The following GLIS3 variants were observed in gnomAD, a reference collection of about 807,000 sequenced individuals.
GLIS3 encodes zinc finger protein GLIS3.
GLIS3 carries 53 observed loss-of-function variants against 78.6 expected under a neutral mutation model. The ratio of observed to expected loss-of-function variants is 0.67; its 90% CI spans 0.54 to 0.85. The LOEUF is 0.85. Ranked by LOEUF, GLIS3 falls within the 40% of genes least tolerant of loss-of-function variation. The pLI, the probability that GLIS3 is intolerant of heterozygous loss-of-function variation, is 0.00. For synonymous variants in GLIS3, 684 were observed against 509.9 expected (o/e 1.34, Z -4.60); for missense variants, 1,703 against 1,231.1 (o/e 1.38, Z -5.74).
chr9:4,323,827 G>A (rs1159201015), intron 2 of GLIS3, among the ~76,000 whole-genome samples: 1 of 152,192 alleles, frequency 6.6e-6, no homozygotes, highest in Non-Finnish European at 1.5e-5. Context: ...CGCAGCAGAA[G>A]TTGCTGTTTG....
chr9:3,916,882 G>C (rs1035917924), intron 6 of GLIS3, among the ~76,000 whole-genome samples: 3 of 151,984 alleles, frequency 2.0e-5, no homozygotes, highest in African/African-American at 7.3e-5. Flanking sequence ...CTTTTTCTTT[G>C]TCCTTTTATT....
intron 4 of GLIS3, among the ~76,000 whole-genome samples, chr9:4,022,921 A>T (rs1424851718): frequency 6.6e-6 from 1 of 152,186 alleles, no homozygotes; most frequent in Non-Finnish European, 1.5e-5. Flanking sequence ...GGCTGAAAGA[A>T]GACTGGATAA....
intron 4 of GLIS3, among the ~76,000 whole-genome samples, chr9:4,013,317 C>T (rs946933410): frequency 1.3e-5 from 2 of 152,154 alleles, no homozygotes; most frequent in African/African-American, 4.8e-5. Flanking sequence ...CCATAGCAAA[C>T]TCTCTGTCTT....
the GLIS3 span, among the ~76,000 whole-genome samples, chr9:4,427,742 C>A: frequency 4.0e-5 from 6 of 151,602 alleles, no homozygotes; most frequent in Non-Finnish European, 8.8e-5. Flanking sequence ...ACCTGCAATC[C>A]CAGCTACTCA....
rs977500969 is a variant in GLIS3 at position 3,932,370 on chromosome 9, G to C, written c.1973C>G (p.Ala658Gly). 4 of 1,611,638 alleles carry C rather than the reference G, an allele frequency of 2.5e-6. No homozygotes were observed. The highest frequency in any genetic ancestry group is 3.3e-5 in the Admixed American group (2 of 59,976). ...CTCTTTTAAAATTACCTTTTTCCTTGCTTGTTGCTCTTTGGAAGAATGTGC... is the reference window on the plus strand; with the variant it reads ...CTCTTTTAAAATTACCTTTTTCCTTCCTTGTTGCTCTTTGGAAGAATGTGC... The part of the protein sequence containing the change: ...VKAHSSKEQQ[A>G]RKKLRSSTEL... Residue 658 changes from alanine to glycine, a missense_variant, in exon 6 of 11, where the codon GCA (alanine) becomes GGA (glycine). By Grantham distance (60) the Ala-to-Gly change is moderately conservative. Transcript: ENST00000381971.
the GLIS3 span, among the ~76,000 whole-genome samples, chr9:4,453,961 C>G: frequency 6.6e-6 from 1 of 151,518 alleles, no homozygotes; most frequent in Non-Finnish European, 1.5e-5. Flanking sequence ...CAAACCTGCA[C>G]GTTGTGCACA....
intron 3 of GLIS3, among the ~76,000 whole-genome samples, chr9:4,309,754 T>G (rs1204780114): frequency 6.6e-6 from 1 of 152,214 alleles, no homozygotes; most frequent in Non-Finnish European, 1.5e-5. Context: ...TGGCCTATTT[T>G]TTTTTTCTTC....
At chr9:3,962,381 A>C (rs1349959548) in intron 4 of GLIS3, among the ~76,000 whole-genome samples, 1 of 152,152 alleles carries the variant, frequency 6.6e-6, no homozygotes, top group Non-Finnish European at 1.5e-5. Context: ...ACTTTCTTTA[A>C]ATAATAAAGA....
intron 9 of GLIS3, among the ~76,000 whole-genome samples, chr9:3,844,230 G>A (rs1331434451): frequency 1.3e-5 from 2 of 152,172 alleles, no homozygotes; most frequent in Admixed American, 1.3e-4. Context: ...GTTCACTGAT[G>A]TATTTTAAGG....
rs1400747932 is a variant in GLIS3 at position 3,862,523 on chromosome 9, T to G, written c.2298-6339A>C. ...AGTATTTCTTTGTCAATGTACACAT[T>G]TATTTCTTTAACAAAATTTACTAAT... On this transcript the variant is annotated intron_variant, in intron 8 of 10. Transcript: ENST00000381971. Among the ~76,000 whole-genome samples the G allele has an allele frequency of 3.3e-5, 5 of 152,322 alleles. No individual in the cohort carries two copies. The East Asian group carries it at 9.7e-4, about 29-fold the overall frequency.
At chr9:3,907,759 C>G (rs921524685) in intron 6 of GLIS3, among the ~76,000 whole-genome samples, 1 of 152,114 alleles carries the variant, frequency 6.6e-6, no homozygotes, top group African/African-American at 2.4e-5. Flanking sequence ...TGAATTGGCA[C>G]CCATGCCTTG....
At chr9:3,899,426 T>TA (rs34620814) in intron 6 of GLIS3, among the ~76,000 whole-genome samples, 113,921 of 149,682 alleles carry the variant, frequency 0.76, 43,346 homozygotes, top group East Asian at 0.82. Context: ...GAGTTACATG[T>TA]AAAAAAAAAA....
At chr9:3,889,299 C>G (rs1158679078) in intron 7 of GLIS3, among the ~76,000 whole-genome samples, 2 of 152,118 alleles carry the variant, frequency 1.3e-5, no homozygotes, top group Non-Finnish European at 2.9e-5. Flanking sequence ...TGCCTTTAAC[C>G]AGTAATAGTT....
At chr9:4,263,850 T>A (rs1401708643) in intron 2 of GLIS3, among the ~76,000 whole-genome samples, 1 of 152,190 alleles carries the variant, frequency 6.6e-6, no homozygotes, top group Non-Finnish European at 1.5e-5. Flanking sequence ...ATTGCCTGCA[T>A]CTTCTTAGTT....
chr9:4,011,809 A>C (rs1822034027), intron 4 of GLIS3, among the ~76,000 whole-genome samples: 1 of 152,182 alleles, frequency 6.6e-6, no homozygotes, highest in Non-Finnish European at 1.5e-5. Context: ...CTAGGTATTC[A>C]TGGGAAACTG....
the GLIS3 span, among the ~76,000 whole-genome samples, chr9:4,417,474 C>T: frequency 6.6e-6 from 1 of 152,134 alleles, no homozygotes; most frequent in Non-Finnish European, 1.5e-5. Context: ...TTCATATAGT[C>T]ACGTACCATT....
chr9:4,163,272 G>GCA (rs1564137655), intron 2 of GLIS3, among the ~76,000 whole-genome samples: 11 of 150,712 alleles, frequency 7.3e-5, no homozygotes, highest in South Asian at 4.2e-4. Flanking sequence ...ACACACACGC[G>GCA]CACGCGCGCA....
intron 2 of GLIS3, among the ~76,000 whole-genome samples, chr9:4,193,399 C>T (rs1818506814): frequency 1.3e-5 from 2 of 152,138 alleles, no homozygotes; most frequent in Admixed American, 6.5e-5. Context: ...ACAACAGAAA[C>T]CATATGGCCT....
At chr9:4,370,194 A>C in the GLIS3 span, among the ~76,000 whole-genome samples, 1 of 151,530 alleles carries the variant, frequency 6.6e-6, no homozygotes, top group Non-Finnish European at 1.5e-5. Flanking sequence ...AAAAAAAAAA[A>C]AAAAAAAAAC....
Sources: gnomAD v4.1 joint callset for allele counts (sites outside exome capture counted in the v4.1 genomes callset) on GRCh38, gnomAD v4.1.1 for gene constraint, MANE v1.5 for transcripts, NCBI Gene and HGNC (gene_info 2026-07-23, HGNC 2026-07-21) for gene names.